EIF2B3: variants seen among roughly 807,000 people sequenced by gnomAD.
The protein encoded by EIF2B3 is eukaryotic translation initiation factor 2B subunit gamma.
A neutral mutation model predicts 54.1 loss-of-function variants in EIF2B3; 20 were observed. That is an observed-to-expected ratio of 0.37 (90% CI 0.26 to 0.54). The LOEUF (loss-of-function observed/expected upper bound fraction) is 0.54. Among genes scored for constraint, EIF2B3 ranks in the 20% least tolerant of loss-of-function variants. EIF2B3 has a pLI of 0.86. For synonymous variants in EIF2B3, 153 were observed against 188.1 expected, an observed-to-expected ratio of 0.81 and a Z score of 1.52; for missense variants, 448 against 547.8, an observed-to-expected ratio of 0.82 and a Z score of 1.82.
intron 5 of EIF2B3, among the ~76,000 whole-genome samples, chr1:44,904,606 TG>T (rs1013209100): frequency 2.4e-4 from 36 of 152,226 alleles, no homozygotes; most frequent in Middle Eastern, 6.8e-3. Flanking sequence ...CTCTGCCTCC[TG>T]GGTTCATGCC....
At chr1:44,946,444 CTT>C (rs758880130) in intron 3 of EIF2B3, among the ~76,000 whole-genome samples, 1 of 140,294 alleles carries the variant, frequency 7.1e-6, no homozygotes. Context: ...TTCATAATAC[CTT>C]TTTTTTTTTG....
At chr1:44,864,377 C>CAACAT (rs1654705095) in intron 10 of EIF2B3, among the ~76,000 whole-genome samples, 1 of 151,848 alleles carries the variant, frequency 6.6e-6, no homozygotes, top group Admixed American at 6.6e-5. Context: ...CCAGCCTGGC[C>CAACAT]AACATAGCAA....
chr1:44,935,343 G>T (rs1643935936), intron 4 of EIF2B3, among the ~76,000 whole-genome samples: 1 of 152,062 alleles, frequency 6.6e-6, no homozygotes, highest in African/African-American at 2.4e-5. Flanking sequence ...TTGAGAAAAG[G>T]AAAGTTTCTA....
chr1:44,958,576 T>A, intron 3 of EIF2B3: 1 of 1,438,908 alleles, frequency 6.9e-7, no homozygotes, highest in Non-Finnish European at 9.7e-7. Context: ...TGTGAAGACA[T>A]GCTACTTTGT....
At chr1:44,953,450 A>G (rs535224904) in intron 3 of EIF2B3, among the ~76,000 whole-genome samples, 1 of 152,296 alleles carries the variant, frequency 6.6e-6, no homozygotes, top group African/African-American at 2.4e-5. Context: ...GGTTTAAGTC[A>G]TCACTGAACC....
At chr1:44,980,770 C>T (rs948365466) in intron 2 of EIF2B3, among the ~76,000 whole-genome samples, 27 of 152,068 alleles carry the variant, frequency 1.8e-4, no homozygotes, top group African/African-American at 6.0e-4. Context: ...GAGTCTCAAT[C>T]TGCTCTTTCT....
intron 4 of EIF2B3, 53 bp from the exon 5 acceptor site, chr1:44,926,792 T>C (rs1465679850): frequency 2.1e-6 from 3 of 1,419,756 alleles, no homozygotes; most frequent in Non-Finnish European, 9.9e-7. Flanking sequence ...GCCCTGCCTG[T>C]ATGAATACAC....
intron 3 of EIF2B3, among the ~76,000 whole-genome samples, chr1:44,961,396 C>T (rs12059608): frequency 0.064 from 9,629 of 151,314 alleles, 1,060 homozygotes; most frequent in African/African-American, 0.22. Flanking sequence ...AAAACAGGGC[C>T]GGGTGCATTG....
At chr1:44,970,884 T>C (rs988041567) in intron 3 of EIF2B3, among the ~76,000 whole-genome samples, 1 of 152,034 alleles carries the variant, frequency 6.6e-6, no homozygotes, top group African/African-American at 2.4e-5. Flanking sequence ...GCTATTGTAG[T>C]AAGAAAAAAC....
At chr1:44,856,762 A>G (rs1654446044) in intron 11 of EIF2B3, among the ~76,000 whole-genome samples, 2 of 152,176 alleles carry the variant, frequency 1.3e-5, no homozygotes, top group South Asian at 2.1e-4. Context: ...TCCCCACCTT[A>G]TTTTAGGTTT....
chr1:44,956,066 T>C lies in EIF2B3; in HGVS notation c.295-14401A>G, dbSNP rs540676552. On this transcript the variant is annotated intron_variant, in intron 3 of 11. Coordinates refer to ENST00000360403, the MANE Select transcript of EIF2B3 (RefSeq NM_020365.5). ...TCTACTATAAAGACACATGCACACGTATGTTTACTGCGGCACTGTTCACAA... is the reference window on the plus strand; with the variant it reads ...TCTACTATAAAGACACATGCACACGCATGTTTACTGCGGCACTGTTCACAA... Among the ~76,000 whole-genome samples, 22 of 152,334 alleles carry C rather than the reference T, an allele frequency of 1.4e-4. 1 individual carries two copies. The South Asian group carries it at 4.6e-3, about 32-fold the overall frequency.
intron 5 of EIF2B3, among the ~76,000 whole-genome samples, chr1:44,902,829 TAAAAAAAAAAAAAAAAA>T (rs11458839): frequency 1.2e-5 from 1 of 85,456 alleles, no homozygotes; most frequent in Admixed American, 1.7e-4. Flanking sequence ...ACTCTTTCTT[TAAAAAAAAAAAAAAAAA>T]AAAAAAAAAA....
rs963408862 is a variant in EIF2B3, at chr1:44,946,031, C to G, written c.295-4366G>C. ...GCAAAAGTGTTTAAATCTGTCAGTACAGTGAATGCCAAACAAGTCCTGCAT... is the reference window on the plus strand; with the variant it reads ...GCAAAAGTGTTTAAATCTGTCAGTAGAGTGAATGCCAAACAAGTCCTGCAT... On this transcript the variant is annotated intron_variant, in intron 3 of 11. Transcript: ENST00000360403. Among the ~76,000 whole-genome samples, 14 of 152,294 alleles carry G rather than the reference C, an allele frequency of 9.2e-5. No homozygotes were observed. In the South Asian group the frequency reaches 1.9e-3, roughly 20 times the overall value.
chr1:44,977,028 A>C (rs1208797181), intron 3 of EIF2B3, among the ~76,000 whole-genome samples: 1 of 152,232 alleles, frequency 6.6e-6, no homozygotes, highest in African/African-American at 2.4e-5. Flanking sequence ...GGGGTGGGAA[A>C]GCCATGTACA....
chr1:44,938,454 CT>C (rs1298411519), intron 4 of EIF2B3, among the ~76,000 whole-genome samples: 2 of 151,608 alleles, frequency 1.3e-5, no homozygotes, highest in South Asian at 2.1e-4. Flanking sequence ...TGAGACCAGC[CT>C]GGGCAACATA....
At chr1:44,886,850 G>T (rs917079490) in intron 6 of EIF2B3, among the ~76,000 whole-genome samples, 1 of 152,214 alleles carries the variant, frequency 6.6e-6, no homozygotes, top group Non-Finnish European at 1.5e-5. Context: ...TGAATTTGCT[G>T]TGATTCTGGG....
At chr1:44,854,014 T>G (rs546719223) in intron 11 of EIF2B3, among the ~76,000 whole-genome samples, 76 of 151,418 alleles carry the variant, frequency 5.0e-4, no homozygotes, top group African/African-American at 1.5e-3. Context: ...TTTGTTTTTT[T>G]TTTTTCTGAA....
intron 3 of EIF2B3, among the ~76,000 whole-genome samples, chr1:44,948,418 T>C (rs1459874797): frequency 1.3e-5 from 2 of 152,108 alleles, no homozygotes; most frequent in African/African-American, 4.8e-5. Context: ...TCTCTCTTGC[T>C]CCAGTTTTCC....
intron 4 of EIF2B3, among the ~76,000 whole-genome samples, chr1:44,935,656 C>T (rs978510763): frequency 1.1e-4 from 17 of 152,110 alleles, no homozygotes; most frequent in Admixed American, 3.3e-4. Context: ...TGTGCCACCA[C>T]ACCCAGCTAA....
Sources: allele counts gnomAD v4.1 joint callset (sites outside exome capture counted in the v4.1 genomes callset), GRCh38; gene constraint gnomAD v4.1.1; transcripts MANE v1.5; gene names NCBI Gene and HGNC (gene_info 2026-07-23, HGNC 2026-07-21).